Variants in CORO7 observed in about 807,000 individuals in gnomAD.
CORO7 encodes coronin-7.
CORO7 carries 107 observed loss-of-function variants against 126.6 expected under a neutral mutation model. The observed-to-expected ratio is 0.85, with a 90% CI of 0.72 to 0.99. The LOEUF is 0.99. Among genes scored for constraint, CORO7 ranks in the 50% least tolerant of loss-of-function variants. The pLI, the probability that CORO7 is intolerant of heterozygous loss-of-function variation, is 0.00. For missense variants in CORO7, 1,314 were observed against 1,255.8 expected (o/e 1.05, Z -0.70); for synonymous variants, 603 against 536.8 (o/e 1.12, Z -1.70).
At chr16:4,413,499 T>C (rs2056291927) in intron 1 of CORO7, 95 bp from the exon 2 acceptor site, 2 of 1,173,344 alleles carry the variant, frequency 1.7e-6, no homozygotes, top group Non-Finnish European at 2.4e-6. Flanking sequence ...TGGGGAACTC[T>C]AGCTCACAGC....
intron 6 of CORO7, among the ~76,000 whole-genome samples, chr16:4,395,893 G>A (rs887356039): frequency 2.0e-5 from 3 of 151,984 alleles, no homozygotes; most frequent in African/African-American, 4.8e-5. Context: ...TCCAAAGGGA[G>A]GATGGAAACA....
chr16:4,416,511 C>T lies in CORO7; in HGVS notation c.8G>A (p.Arg3His). The T allele has an allele frequency of 1.9e-6, 3 of 1,576,938 alleles. No individual in the cohort carries two copies. The highest frequency in any genetic ancestry group is 2.6e-6 in the Non-Finnish European group (3 of 1,164,788). Reference protein sequence around the residue: MNRFRVSKFRHTE... With the variant: MNHFRVSKFRHTE... ...GTGCCGGAACTTGGACACCCTGAAG[C>T]GGTTCATGGCGACGGGCACGGCGGC... The change falls in exon 1 of 28, where the codon CGC (arginine) becomes CAC (histidine). Residue 3 changes from arginine to histidine, a missense_variant. Coordinates refer to ENST00000251166, the MANE Select transcript of CORO7 (RefSeq NM_024535.5).
intron 1 of CORO7, among the ~76,000 whole-genome samples, chr16:4,413,810 T>C (rs1479191200): frequency 2.7e-5 from 4 of 150,296 alleles, no homozygotes; most frequent in Admixed American, 2.0e-4. Context: ...AGTGCTGGGA[T>C]TACAGGCATG....
chr16:4,369,557 C>T (rs189077708), intron 9 of CORO7, among the ~76,000 whole-genome samples: 147 of 152,340 alleles, frequency 9.6e-4, no homozygotes, highest in African/African-American at 3.3e-3. Flanking sequence ...AGAAGACAAC[C>T]TCAGTACCAA....
At position 4,383,034 on chromosome 16, in the gene CORO7, G is replaced by A. The variant is rs2055057653; in HGVS notation, c.785+4952C>T. On this transcript the variant is annotated intron_variant, in intron 9 of 27. Coordinates refer to ENST00000251166, the MANE Select transcript of CORO7 (RefSeq NM_024535.5). ...CAGACAGGGCTGTGTGACCACAGCT[G>A]GGCCCTGTTCCCTCTGGACCTCGGT... is the stretch of plus-strand genomic sequence containing the variant. 5.0e-6 allele frequency: 5 copies of A among 1,009,420 alleles called. 1 individual carries two copies. In the South Asian group the frequency reaches 9.1e-5, roughly 18 times the overall value. The allele number at this position is 1,009,420 out of a possible 1,614,324, so 62.5% of individuals were successfully genotyped here.
chr16:4,362,314 G>A lies in CORO7; in HGVS notation c.1403-154C>T, dbSNP rs530949001. Among the ~76,000 whole-genome samples the A allele has an allele frequency of 1.5e-4, 23 of 152,278 alleles. No individual in the cohort carries two copies. The East Asian group carries it at 2.1e-3, about 14-fold the overall frequency. ...TTTGCTAATCCAGTGGATGCAACTC[G>A]CCCAGGAATAATGTCTGGAATGATA... On this transcript the variant is annotated intron_variant, in intron 15 of 27. Coordinates refer to ENST00000251166, the MANE Select transcript of CORO7 (RefSeq NM_024535.5). This position sits in a 1 kb window ranked among gnomAD's most constrained non-coding sequence, Gnocchi z 5.3.
chr16:4,401,558 G>A (rs984174894), intron 6 of CORO7, among the ~76,000 whole-genome samples: 1 of 152,224 alleles, frequency 6.6e-6, no homozygotes, highest in Admixed American at 6.5e-5. Flanking sequence ...GAGGGACAGA[G>A]AGAGGAGGAT....
At chr16:4,367,405 C>G (rs2054381160) in intron 9 of CORO7, among the ~76,000 whole-genome samples, 1 of 152,244 alleles carries the variant, frequency 6.6e-6, no homozygotes. Context: ...TCATTCACTC[C>G]TTTGATGAGC....
intron 9 of CORO7, 138 bp from the exon 10 acceptor site, chr16:4,365,683 A>T: frequency 8.5e-7 from 1 of 1,177,132 alleles, no homozygotes; most frequent in Non-Finnish European, 1.2e-6. Context: ...CCTGGTCCCC[A>T]GGAACCCCCT....
chr16:4,380,258 A>G (rs1363177512), intron 9 of CORO7, among the ~76,000 whole-genome samples: 2 of 152,116 alleles, frequency 1.3e-5, no homozygotes, highest in African/African-American at 2.4e-5. Flanking sequence ...CCCCTCCTCC[A>G]GGAACCTTCC....
chr16:4,390,003 C>A (rs1017612414), intron 7 of CORO7, among the ~76,000 whole-genome samples: 2 of 152,172 alleles, frequency 1.3e-5, no homozygotes, highest in Non-Finnish European at 2.9e-5. Flanking sequence ...TCTGTTCTCT[C>A]GTCATATGGG....
chr16:4,415,000 C>T (rs1180320156), intron 1 of CORO7, among the ~76,000 whole-genome samples: 1 of 152,008 alleles, frequency 6.6e-6, no homozygotes. Flanking sequence ...TAGCTGGGAC[C>T]ACGGGAGTGA....
chr16:4,374,610 G>A (rs1164515317), intron 9 of CORO7, among the ~76,000 whole-genome samples: 1 of 152,172 alleles, frequency 6.6e-6, no homozygotes. Context: ...GCCCGGCTGG[G>A]CATTGAGAGC....
intron 7 of CORO7, among the ~76,000 whole-genome samples, chr16:4,389,406 C>T (rs947011725): frequency 1.6e-4 from 25 of 152,042 alleles, no homozygotes; most frequent in African/African-American, 3.9e-4. Flanking sequence ...GAGCCTGAGA[C>T]GAAGGACCCT....
At position 4,361,051 on chromosome 16, in the gene CORO7, G is replaced by A. The variant is rs139750538; in HGVS notation, c.1809C>T (p.His603=). 1.6e-4 allele frequency: 266 copies of A among 1,613,418 alleles called. No homozygotes were observed. Among genetic ancestry groups the A allele is most frequent in the Middle Eastern group, 8.2e-4 (5 of 6,062 alleles). Residue 603 remains histidine, a synonymous_variant, in exon 19 of 28, where the codon CAC becomes CAT. Transcript: ENST00000251166. The stretch of plus-strand genomic sequence containing the variant: ...AGGCCAGCACATTGGCTGCCAGTGG[G>A]TGGAAGCGCAGGGAGCAGATCTTCT... The part of the protein sequence containing the change: ...HTEKICSLRF[H]PLAANVLASS...
rs1471836636 is a variant in CORO7, at chr16:4,362,879, C to CG, written c.1276-142dup. ...CACTGTGGGCATGCGACAGGAGCGGCGGGGGGCACGGGCATAAACGCAGAC... is the reference window on the plus strand; with the variant it reads ...CACTGTGGGCATGCGACAGGAGCGGCGGGGGGGCACGGGCATAAACGCAGAC... On this transcript the variant is annotated intron_variant, in intron 14 of 27. Transcript: ENST00000251166. This position sits in a 1 kb window ranked among gnomAD's most constrained non-coding sequence, Gnocchi z 5.3. 4.1e-6 allele frequency: 4 copies of CG among 986,846 alleles called. No individual in the cohort carries two copies. The highest frequency in any genetic ancestry group is 5.3e-6 in the Non-Finnish European group (4 of 759,820). 61.1% of individuals were successfully genotyped at this position (986,846 alleles called of 1,614,324 possible).
At position 4,360,436 on chromosome 16, in the gene CORO7, G is replaced by A. The variant is rs752837936; in HGVS notation, c.2022+8C>T. On this transcript the variant is annotated splice_region_variant and intron_variant, in intron 20 of 27. Transcript: ENST00000251166. ...TCTGAGGCCACTCCCCAGCCCCTGT[G>A]TGCTCACCTGCAGGGGCTCAGGGCC... 3.7e-6 allele frequency: 6 copies of A among 1,612,652 alleles called. No homozygotes were observed. Among genetic ancestry groups the A allele is most frequent in the Admixed American group, 3.3e-5 (2 of 59,938 alleles).
chr16:4,403,293 G>A (rs556979939), intron 6 of CORO7, among the ~76,000 whole-genome samples: 1 of 152,186 alleles, frequency 6.6e-6, no homozygotes, highest in Non-Finnish European at 1.5e-5. Context: ...CATACTGCCA[G>A]GGTTTCCAGT....
At position 4,364,279 on chromosome 16, in the gene CORO7, T is replaced by C. The variant is rs754070163; in HGVS notation, c.1272A>G (p.Ala424=). The change falls in exon 14 of 28, where the codon GCA becomes GCG. Residue 424 remains alanine, a synonymous_variant. Coordinates refer to ENST00000251166, the MANE Select transcript of CORO7 (RefSeq NM_024535.5). ...TGGGGGCGGCCCTGGTACTTACGCT[T>C]GCGTCTGCATCACCCACGGGTGTCT... ...VMETPVGDAD[A]SEGFSSPPSS... 6 of 1,546,950 alleles carry C rather than the reference T, an allele frequency of 3.9e-6. No homozygotes were observed. The highest frequency in any genetic ancestry group is 4.4e-6 in the Non-Finnish European group (5 of 1,148,784).
Sources: allele counts gnomAD v4.1 joint callset (sites outside exome capture counted in the v4.1 genomes callset), GRCh38; gene constraint gnomAD v4.1.1; non-coding constraint Gnocchi (gnomAD v3.1); transcripts MANE v1.5; gene names NCBI Gene and HGNC (gene_info 2026-07-23, HGNC 2026-07-21).